Variants in BMS1 observed in about 807,000 individuals in gnomAD.
BMS1 encodes BMS1 ribosome biogenesis factor.
A neutral mutation model predicts 138.7 loss-of-function variants in BMS1; 53 were observed. The ratio of observed to expected loss-of-function variants is 0.38; its 90% CI spans 0.31 to 0.48. The LOEUF (loss-of-function observed/expected upper bound fraction) is 0.48. Ranked by LOEUF, BMS1 falls within the 20% of genes least tolerant of loss-of-function variation. BMS1 has a pLI of 0.97. For synonymous variants in BMS1, 504 were observed against 539.9 expected, an observed-to-expected ratio of 0.93 and a Z score of 0.92; for missense variants, 1,360 against 1,565.5, an observed-to-expected ratio of 0.87 and a Z score of 2.22.
chr10:42,810,855 G>A (rs1022895085), intron 13 of BMS1, among the ~76,000 whole-genome samples: 3 of 152,088 alleles, frequency 2.0e-5, no homozygotes, highest in African/African-American at 7.2e-5. Flanking sequence ...ACTCTTTAAC[G>A]GCTGCAGGAG....
At chr10:42,799,492 C>G (rs549553069) in intron 12 of BMS1, among the ~76,000 whole-genome samples, 16 of 152,316 alleles carry the variant, frequency 1.1e-4, no homozygotes, top group Non-Finnish European at 1.9e-4. Context: ...GATGTCACTT[C>G]TCACAGAGGC....
intron 13 of BMS1, among the ~76,000 whole-genome samples, chr10:42,814,704 G>A (rs1228745664): frequency 1.3e-5 from 2 of 152,178 alleles, no homozygotes; most frequent in African/African-American, 4.8e-5. Flanking sequence ...ATTTTGGTCT[G>A]TTTGGCTTAT....
rs185244273 is a variant in BMS1 at position 42,797,664 on chromosome 10, A to G, written c.2089+141A>G. The G allele has an allele frequency of 6.7e-5, 54 of 800,144 alleles. No individual in the cohort carries two copies. In the African/African-American group the frequency reaches 8.3e-4, roughly 12 times the overall value. 49.6% of individuals were successfully genotyped at this position (800,144 alleles called of 1,614,324 possible). ...ATTTCATATTTGACAGATGTCTCTAATCATCAGCTTATGAGGACCACACAT... is the reference window on the plus strand; with the variant it reads ...ATTTCATATTTGACAGATGTCTCTAGTCATCAGCTTATGAGGACCACACAT... On this transcript the variant is annotated intron_variant, in intron 11 of 22. Coordinates refer to ENST00000374518, the MANE Select transcript of BMS1 (RefSeq NM_014753.4).
At chr10:42,798,378 C>T (rs1841759644) in intron 11 of BMS1, 90 bp from the exon 12 acceptor site, 1 of 1,517,130 alleles carries the variant, frequency 6.6e-7, no homozygotes, top group Non-Finnish European at 9.0e-7. Flanking sequence ...TTCCTGAGTT[C>T]AAAGACTCAT....
At chr10:42,812,933 G>A (rs1274105228) in intron 13 of BMS1, among the ~76,000 whole-genome samples, 1 of 152,184 alleles carries the variant, frequency 6.6e-6, no homozygotes, top group Non-Finnish European at 1.5e-5. Context: ...CGGGGTAGGG[G>A]GTGTCTGGTA....
At chr10:42,790,535 A>G (rs1395561036) in intron 5 of BMS1, 24 bp downstream of exon 5, 6 of 1,609,542 alleles carry the variant, frequency 3.7e-6, no homozygotes, top group African/African-American at 1.3e-5. Context: ...TAATTGTTGG[A>G]TACTAACAGT....
chr10:42,784,493 C>A lies in BMS1; in HGVS notation c.99C>A (p.Asp33Glu). Residue 33 changes from aspartate (D) to glutamate (E), a missense_variant, in exon 2 of 23, where the codon GAC becomes GAA. Around this residue, in one of 3 missense-constraint regions of BMS1, gnomAD observed 238 missense variants for 311.1 expected, o/e 0.77. Transcript: ENST00000374518. ...TTCTGCAGGATCTCCAGCTAGGAGA[C>A]GAAGAAGATGCCCGGAAGAGAAATC... Reference protein sequence around the residue: ...KRLLQDLQLGDEEDARKRNPK... With the variant: ...KRLLQDLQLGEEEDARKRNPK... The A allele has an allele frequency of 6.2e-7, 1 of 1,613,940 alleles. No individual in the cohort carries two copies. Among genetic ancestry groups the A allele is most frequent in the African/African-American group, 1.3e-5 (1 of 75,044 alleles).
chr10:42,797,199 A>G lies in BMS1; in HGVS notation c.1955A>G (p.Lys652Arg), dbSNP rs787795. Residue 652 changes from lysine to arginine, a missense_variant, in exon 10 of 23, where the codon AAG becomes AGG. Lys to Arg is a conservative substitution (Grantham distance 26). This residue lies in a region of BMS1 where 697 missense variants were observed against 686.2 expected (regional missense o/e 1.02). Transcript: ENST00000374518. ...TTACTCAAAGAGGAAGAAGATTACA[A>G]GGAAGAAAATAATGATTCCAAAGAA... ...ENLLKEEEDY[K>R]EENNDSKETS... The G allele has an allele frequency of 0.17, 270,232 of 1,608,574 alleles. 23,604 individuals carry two copies. The highest frequency in any genetic ancestry group is 0.24 in the East Asian group (10,549 of 44,810).
chr10:42,802,260 A>G, intron 13 of BMS1, 42 bp downstream of exon 13: 1 of 1,559,036 alleles, frequency 6.4e-7, no homozygotes, highest in Non-Finnish European at 8.8e-7. Context: ...TGGCTTCTCT[A>G]AACTTTATTT....
In BMS1 at chr10:42,816,553, A is replaced by C. The variant is rs1194575593; in HGVS notation, c.2330-46A>C. ...CTGTGGTAGGTGGGGCCAGCAGCAC[A>C]TGCATACCTGGCTCACAGAGCAGCC... On this transcript the variant is annotated intron_variant, in intron 13 of 22. Coordinates refer to ENST00000374518, the MANE Select transcript of BMS1 (RefSeq NM_014753.4). 2.6e-6 allele frequency: 4 copies of C among 1,537,290 alleles called. No homozygotes were observed. The South Asian group carries it at 4.7e-5, about 18-fold the overall frequency.
At chr10:42,828,970 G>A (rs779826772) in intron 21 of BMS1, among the ~76,000 whole-genome samples, 18 of 152,022 alleles carry the variant, frequency 1.2e-4, no homozygotes, top group Admixed American at 3.9e-4. Context: ...AAAAACAATC[G>A]GGGTTCCTAA....
intron 20 of BMS1, 31 bp downstream of exon 20, chr10:42,823,296 G>A (rs538645676): frequency 6.6e-7 from 1 of 1,515,680 alleles, no homozygotes; most frequent in East Asian, 2.3e-5. Flanking sequence ...TCAGGGCAGG[G>A]TGTTACCATT....
At chr10:42,803,157 A>G (rs1841918948) in intron 13 of BMS1, among the ~76,000 whole-genome samples, 1 of 152,108 alleles carries the variant, frequency 6.6e-6, no homozygotes, top group Non-Finnish European at 1.5e-5. Flanking sequence ...GGCTTGCATC[A>G]CTACACCCAG....
chr10:42,802,319 C>A, intron 13 of BMS1, 101 bp downstream of exon 13: 2 of 1,021,990 alleles, frequency 2.0e-6, no homozygotes, highest in Non-Finnish European at 1.4e-6. Flanking sequence ...AGTCACTTGT[C>A]AAATGCTTTG....
In BMS1 at chr10:42,797,189, G is replaced by A. The variant is rs1841715707; in HGVS notation, c.1945G>A (p.Glu649Lys). 1 of 1,610,652 alleles carries A rather than the reference G, an allele frequency of 6.2e-7. No individual in the cohort carries two copies. The highest frequency in any genetic ancestry group is 8.5e-7 in the Non-Finnish European group (1 of 1,179,018). Residue 649 changes from glutamate to lysine, a missense_variant, in exon 10 of 23, where the codon GAA becomes AAA. By Grantham distance (56) the Glu-to-Lys change is moderately conservative. Transcript: ENST00000374518. ...TATAGAAAATTTACTCAAAGAGGAAGAAGATTACAAGGAAGAAAATAATGA... is the reference window on the plus strand; with the variant it reads ...TATAGAAAATTTACTCAAAGAGGAAAAAGATTACAAGGAAGAAAATAATGA... Reference protein sequence around the residue: ...SDIENLLKEEEDYKEENNDSK... With the variant: ...SDIENLLKEEKDYKEENNDSK...
intron 13 of BMS1, among the ~76,000 whole-genome samples, chr10:42,815,207 C>T (rs954288019): frequency 6.6e-6 from 1 of 152,150 alleles, no homozygotes; most frequent in Non-Finnish European, 1.5e-5. Flanking sequence ...GAGGACATAT[C>T]ATTATTCAGT....
chr10:42,817,581 A>G (rs1039959805), intron 15 of BMS1, 87 bp downstream of exon 15: 12 of 1,306,252 alleles, frequency 9.2e-6, no homozygotes, highest in Non-Finnish European at 1.1e-5. Flanking sequence ...CCTACGTCCT[A>G]TCCTGCTTCT....
rs1842788439 is a variant in BMS1 at position 42,831,038 on chromosome 10, A to G, written c.3791A>G (p.Gln1264Arg). The stretch of plus-strand genomic sequence containing the variant: ...AAGAAGCTCTTCAGAATTCAGGGGC[A>G]GAAGGAAAGAAGAAACCAGAAGTCC... Reference protein sequence around the residue: ...LRKKLFRIQGQKERRNQKSSL... With the variant: ...LRKKLFRIQGRKERRNQKSSL... The change falls in exon 23 of 23, where the codon CAG becomes CGG. Residue 1264 changes from glutamine (Q) to arginine (R), a missense_variant. Coordinates refer to ENST00000374518, the MANE Select transcript of BMS1 (RefSeq NM_014753.4). 1 of 1,587,816 alleles carries G rather than the reference A, an allele frequency of 6.3e-7. No homozygotes were observed.
intron 12 of BMS1, among the ~76,000 whole-genome samples, chr10:42,799,886 C>T (rs1841815251): frequency 6.6e-6 from 1 of 152,216 alleles, no homozygotes; most frequent in South Asian, 2.1e-4. Context: ...TTTTAGTCAA[C>T]AGTCTTTCCT....
Sources: allele counts gnomAD v4.1 joint callset (sites outside exome capture counted in the v4.1 genomes callset), GRCh38; gene constraint gnomAD v4.1.1; regional missense constraint gnomAD v4.1.1; transcripts MANE v1.5; gene names NCBI Gene and HGNC (gene_info 2026-07-23, HGNC 2026-07-21).